Variants in CHSY3 observed in about 807,000 individuals in gnomAD.
CHSY3 encodes the protein N-acetylgalactosaminyl-proteoglycan 3-beta-glucuronosyltransferase 3.
In CHSY3, 35 loss-of-function variants were observed where a neutral mutation model predicts 67.2. That is an observed-to-expected ratio of 0.52 (90% CI 0.40 to 0.69). The LOEUF is 0.69. CHSY3 is among the 30% of genes least tolerant of loss of function. CHSY3 has a pLI of 0.00. For synonymous variants in CHSY3, 474 were observed against 434.7 expected (o/e 1.09, Z -1.12); for missense variants, 1,069 against 1,138.5 (o/e 0.94, Z 0.88).
At chr5:129,909,956 T>G (rs1198334258) in intron 2 of CHSY3, among the ~76,000 whole-genome samples, 1 of 151,990 alleles carries the variant, frequency 6.6e-6, no homozygotes, top group African/African-American at 2.4e-5. Flanking sequence ...AGATAGTGTT[T>G]AGGTGTTCTT....
chr5:130,103,864 T>A (rs1002710049), intron 2 of CHSY3, among the ~76,000 whole-genome samples: 1 of 151,968 alleles, frequency 6.6e-6, no homozygotes, highest in Non-Finnish European at 1.5e-5. Context: ...CATGCCTTGA[T>A]ACACATTTCT....
At chr5:130,010,820 CA>C (rs1022318108) in intron 2 of CHSY3, among the ~76,000 whole-genome samples, 1 of 151,728 alleles carries the variant, frequency 6.6e-6, no homozygotes, top group African/African-American at 2.4e-5. Flanking sequence ...GAAACACACA[CA>C]AAAAAATAGA....
At chr5:130,174,597 A>C (rs1048432491) in intron 2 of CHSY3, among the ~76,000 whole-genome samples, 1 of 152,154 alleles carries the variant, frequency 6.6e-6, no homozygotes, top group Non-Finnish European at 1.5e-5. Flanking sequence ...CAATACCTAC[A>C]TTAATAATAA....
chr5:130,016,076 C>G (rs1764211671), intron 2 of CHSY3, among the ~76,000 whole-genome samples: 1 of 152,080 alleles, frequency 6.6e-6, no homozygotes, highest in Non-Finnish European at 1.5e-5. Flanking sequence ...ACAACCTGAG[C>G]CTACTTGAAG....
chr5:129,914,564 T>C (rs1225230519), intron 2 of CHSY3, among the ~76,000 whole-genome samples: 2 of 152,242 alleles, frequency 1.3e-5, no homozygotes, highest in African/African-American at 4.8e-5. Context: ...TCAGTCACAA[T>C]TTAGTTTTTA....
intron 2 of CHSY3, among the ~76,000 whole-genome samples, chr5:129,959,471 C>A (rs915858357): frequency 2.6e-5 from 4 of 152,098 alleles, no homozygotes; most frequent in African/African-American, 9.7e-5. Context: ...ACTCTCTTCT[C>A]TATTTTCTTC....
chr5:130,092,894 G>A (rs1766925930), intron 2 of CHSY3, among the ~76,000 whole-genome samples: 1 of 152,156 alleles, frequency 6.6e-6, no homozygotes, highest in Non-Finnish European at 1.5e-5. Context: ...ACAGGAGGCA[G>A]GTAGTCAGTT....
chr5:129,959,600 A>G (rs1762273848), intron 2 of CHSY3, among the ~76,000 whole-genome samples: 1 of 152,118 alleles, frequency 6.6e-6, no homozygotes, highest in African/African-American at 2.4e-5. Flanking sequence ...ATGATCTGGA[A>G]TAGTTGAGTT....
At chr5:129,923,585 T>G (rs1415033051) in intron 2 of CHSY3, among the ~76,000 whole-genome samples, 1 of 152,048 alleles carries the variant, frequency 6.6e-6, no homozygotes, top group East Asian at 1.9e-4. Flanking sequence ...AATAGGGTGG[T>G]TAGATGGACC....
rs200596073 is a variant in CHSY3 at position 129,997,944 on chromosome 5, A to C, written c.1086+89584A>C. Among the ~76,000 whole-genome samples the C allele has an allele frequency of 3.3e-5, 5 of 152,222 alleles. No homozygotes were observed. The East Asian group carries it at 9.6e-4, about 29-fold the overall frequency. ...TTTGGGTTGGTTCCAAGTCTTTGCTATTGTGAATAGTGCTGCAATAAACAT... is the reference window on the plus strand; with the variant it reads ...TTTGGGTTGGTTCCAAGTCTTTGCTCTTGTGAATAGTGCTGCAATAAACAT... On this transcript the variant is annotated intron_variant, in intron 2 of 2. Transcript: ENST00000305031.
chr5:129,980,821 C>T (rs1762958525), intron 2 of CHSY3, among the ~76,000 whole-genome samples: 1 of 152,046 alleles, frequency 6.6e-6, no homozygotes, highest in African/African-American at 2.4e-5. Context: ...TGTCTAGATC[C>T]ATGTTTTCGT....
intron 2 of CHSY3, among the ~76,000 whole-genome samples, chr5:129,973,635 TCTC>T (rs1344151531): frequency 1.3e-5 from 2 of 152,156 alleles, no homozygotes; most frequent in African/African-American, 4.8e-5. Flanking sequence ...TTTTGTGAAA[TCTC>T]CTTTCCTCAA....
chr5:130,009,320 G>A (rs1249031165), intron 2 of CHSY3, among the ~76,000 whole-genome samples: 7 of 151,888 alleles, frequency 4.6e-5, no homozygotes, highest in East Asian at 1.9e-4. Flanking sequence ...ATTCAGCATC[G>A]CTAAAGAAAA....
At chr5:130,085,118 C>T (rs1174146362) in intron 2 of CHSY3, among the ~76,000 whole-genome samples, 1 of 151,916 alleles carries the variant, frequency 6.6e-6, no homozygotes, top group Admixed American at 6.6e-5. Context: ...TTGGAATGCC[C>T]CTGGCCAAGG....
At chr5:130,015,577 C>G (rs963256399) in intron 2 of CHSY3, among the ~76,000 whole-genome samples, 1 of 151,956 alleles carries the variant, frequency 6.6e-6, no homozygotes, top group Non-Finnish European at 1.5e-5. Flanking sequence ...TATTAAAAAG[C>G]CAAAAATTAA....
Position 129,905,340 on chromosome 5 carries a change from G to T in CHSY3, c.511G>T (p.Asp171Tyr), listed in dbSNP as rs768480918. The change falls in exon 1 of 3, where the codon GAC (aspartate) becomes TAC (tyrosine). Residue 171 changes from aspartate (D) to tyrosine (Y), a missense_variant. Around this residue, in one of 5 missense-constraint regions of CHSY3, gnomAD observed 309 missense variants for 262.5 expected, o/e 1.18. Coordinates refer to ENST00000305031, the MANE Select transcript of CHSY3 (RefSeq NM_175856.5). ...GAAAPSARPR[D>Y]FLYVGVMTAQ... ...TGCCGCCCCGAGCGCCCGACCCCGG[G>T]ACTTCCTGTACGTGGGGGTGATGAC... 1.3e-6 allele frequency: 2 copies of T among 1,551,730 alleles called. No individual in the cohort carries two copies. The highest frequency in any genetic ancestry group is 1.7e-6 in the Non-Finnish European group (2 of 1,152,082).
intron 2 of CHSY3, among the ~76,000 whole-genome samples, chr5:130,099,007 A>T (rs1238348509): frequency 6.6e-6 from 1 of 152,210 alleles, no homozygotes; most frequent in African/African-American, 2.4e-5. Context: ...GGACAGATTT[A>T]AATTCATTCT....
intron 2 of CHSY3, among the ~76,000 whole-genome samples, chr5:130,079,901 C>T (rs1182894501): frequency 1.3e-5 from 2 of 152,014 alleles, no homozygotes; most frequent in Non-Finnish European, 2.9e-5. Flanking sequence ...ACATTTCTCT[C>T]TCTGGCTACC....
chr5:130,091,726 G>T (rs1027363223), intron 2 of CHSY3, among the ~76,000 whole-genome samples: 1 of 152,126 alleles, frequency 6.6e-6, no homozygotes, highest in East Asian at 1.9e-4. Flanking sequence ...CTAGCAATGC[G>T]TTATATTTAG....
Sources: allele counts gnomAD v4.1 joint callset (sites outside exome capture counted in the v4.1 genomes callset), GRCh38; gene constraint gnomAD v4.1.1; regional missense constraint gnomAD v4.1.1; transcripts MANE v1.5; gene names NCBI Gene and HGNC (gene_info 2026-07-23, HGNC 2026-07-21).